Variants in TCF7L2 observed in about 807,000 individuals in gnomAD.
TCF7L2 encodes the protein transcription factor 7-like 2.
TCF7L2 carries 23 observed loss-of-function variants against 77.9 expected under a neutral mutation model. That is an observed-to-expected ratio of 0.30 (90% confidence interval 0.21 to 0.42). TCF7L2 has a LOEUF of 0.42. TCF7L2 is among the 10% of genes least tolerant of loss of function. TCF7L2 has a pLI of 1.00. For missense variants in TCF7L2, 654 were observed against 793.1 expected, an observed-to-expected ratio of 0.82 and a Z score of 2.11; for synonymous variants, 413 against 340.2, an observed-to-expected ratio of 1.21 and a Z score of -2.36.
Position 113,096,578 on chromosome 10 carries a change from CT to C in TCF7L2, c.553-44596del, listed in dbSNP as rs201680388. ...TTGCATTAAGAAAAATCAGTAGTTT[CT>C]TTTTTTTTTAGTTTGGTGGAAGCGC... On this transcript the variant is annotated intron_variant, in intron 5 of 13. Coordinates refer to ENST00000627217, the MANE Select transcript of TCF7L2 (RefSeq NM_001146274.2). 1.7e-3 allele frequency among the ~76,000 whole-genome samples: 260 copies of C among 148,754 alleles called. 1 individual carries two copies. Among genetic ancestry groups the C allele is most frequent in the African/African-American group, 5.7e-3 (231 of 40,666 alleles).
rs140658764 is a variant in TCF7L2 at position 113,034,148 on chromosome 10, T to C, written c.451-5877T>C. On this transcript the variant is annotated intron_variant, in intron 4 of 13. Transcript: ENST00000627217. ...CAGGCCTCTTCTTTAACAGAAATGTTTGTGTCTACTAGGTGTGTGTCACAA... is the reference window on the plus strand; with the variant it reads ...CAGGCCTCTTCTTTAACAGAAATGTCTGTGTCTACTAGGTGTGTGTCACAA... Among the ~76,000 whole-genome samples, 922 of 152,340 alleles carry C rather than the reference T, an allele frequency of 6.1e-3. 4 individuals carry two copies. Among genetic ancestry groups the C allele is most frequent in the Non-Finnish European group, 9.9e-3 (673 of 68,028 alleles).
At chr10:113,105,133 C>T (rs1027146870) in intron 5 of TCF7L2, among the ~76,000 whole-genome samples, 2 of 152,184 alleles carry the variant, frequency 1.3e-5, no homozygotes, top group African/African-American at 2.4e-5. Flanking sequence ...AGTGACATGA[C>T]AGGGACTCCA....
At chr10:113,036,316 G>C (rs2051242377) in intron 4 of TCF7L2, among the ~76,000 whole-genome samples, 1 of 152,102 alleles carries the variant, frequency 6.6e-6, no homozygotes, top group South Asian at 2.1e-4. Context: ...TATGGGAGCA[G>C]GATCAGTCTG....
chr10:113,025,821 C>T (rs1338347856), intron 4 of TCF7L2, among the ~76,000 whole-genome samples: 2 of 152,000 alleles, frequency 1.3e-5, no homozygotes, highest in South Asian at 2.1e-4. Flanking sequence ...AGTACTAAGC[C>T]GCAGATTCTG....
intron 5 of TCF7L2, among the ~76,000 whole-genome samples, chr10:113,102,338 T>C (rs936691311): frequency 6.6e-6 from 1 of 151,998 alleles, no homozygotes; most frequent in African/African-American, 2.4e-5. Flanking sequence ...TCTTTACTTA[T>C]TAGTAGATTT....
intron 4 of TCF7L2, among the ~76,000 whole-genome samples, chr10:113,022,100 G>A (rs2048347922): frequency 6.6e-6 from 1 of 152,144 alleles, no homozygotes; most frequent in Admixed American, 6.5e-5. Context: ...GGTTTTCTTT[G>A]AGATTTTGTT....
intron 5 of TCF7L2, among the ~76,000 whole-genome samples, chr10:113,069,936 T>C (rs12255179): frequency 0.84 from 127,918 of 151,972 alleles, 55,160 homozygotes; most frequent in Middle Eastern, 0.95. Context: ...GGGAGATCAC[T>C]GTGGGAGGTA....
At chr10:112,996,247 A>G (rs1270302230) in intron 4 of TCF7L2, among the ~76,000 whole-genome samples, 5 of 152,172 alleles carry the variant, frequency 3.3e-5, no homozygotes, top group African/African-American at 1.2e-4. Context: ...CTCTCGGAGG[A>G]GGATGAGCCT....
intron 2 of TCF7L2, 31 bp downstream of exon 2, chr10:112,951,304 C>A (rs1236205959): frequency 9.0e-7 from 1 of 1,115,046 alleles, no homozygotes; most frequent in African/African-American, 1.7e-5. Flanking sequence ...CCGCAGCCGC[C>A]CGGAGCCGCC....
At chr10:113,103,344 T>G (rs1193619241) in intron 5 of TCF7L2, among the ~76,000 whole-genome samples, 1 of 152,230 alleles carries the variant, frequency 6.6e-6, no homozygotes, top group African/African-American at 2.4e-5. Flanking sequence ...TGAGCCTCTC[T>G]GCAATTGGCA....
chr10:113,019,530 A>G (rs2047937489), intron 4 of TCF7L2, among the ~76,000 whole-genome samples: 1 of 152,176 alleles, frequency 6.6e-6, no homozygotes, highest in Non-Finnish European at 1.5e-5. Context: ...AATGTCACCA[A>G]TCTTGGTCAC....
chr10:113,167,070 G>A lies in TCF7L2; in HGVS notation c.*1098G>A, dbSNP rs1305132471. On this transcript the variant is annotated 3_prime_UTR_variant, in exon 14 of 14. Coordinates refer to ENST00000627217, the MANE Select transcript of TCF7L2 (RefSeq NM_001146274.2). Reference sequence around the variant, plus strand: ...GGACTGACCGTGTACAAAACTTTACGTGCCAAAATTCTCAGTGAATTTAGC... The same window carrying A: ...GGACTGACCGTGTACAAAACTTTACATGCCAAAATTCTCAGTGAATTTAGC... 14 of 230,678 alleles carry A rather than the reference G, an allele frequency of 6.1e-5. No homozygotes were observed. Among genetic ancestry groups the A allele is most frequent in the Admixed American group, 2.3e-4 (4 of 17,700 alleles). 14.3% of individuals were successfully genotyped at this position (230,678 alleles called of 1,614,324 possible).
At chr10:113,088,563 G>T (rs1006911487) in intron 5 of TCF7L2, among the ~76,000 whole-genome samples, 1 of 152,204 alleles carries the variant, frequency 6.6e-6, no homozygotes, top group Admixed American at 6.5e-5. Flanking sequence ...AGCACCCAAG[G>T]TGTGTGCTGC....
chr10:112,950,972 G>A (rs2030782835), intron 1 of TCF7L2, 27 bp downstream of exon 1: 1 of 1,594,292 alleles, frequency 6.3e-7, no homozygotes, highest in East Asian at 2.2e-5. Context: ...GGGCTGGTGG[G>A]GTTTTTTATC....
intron 5 of TCF7L2, among the ~76,000 whole-genome samples, chr10:113,127,701 T>G (rs1290205346): frequency 6.6e-6 from 1 of 151,918 alleles, no homozygotes; most frequent in African/African-American, 2.4e-5. Context: ...TCTGACAAAC[T>G]GGGGGCACCC....
At chr10:113,091,799 T>C (rs1054576794) in intron 5 of TCF7L2, among the ~76,000 whole-genome samples, 2 of 152,208 alleles carry the variant, frequency 1.3e-5, no homozygotes, top group African/African-American at 4.8e-5. Context: ...GGGCCACGCC[T>C]ATGTCTTGAT....
chr10:113,010,551 G>C (rs778011019), intron 4 of TCF7L2, among the ~76,000 whole-genome samples: 8 of 152,206 alleles, frequency 5.3e-5, no homozygotes, highest in South Asian at 2.1e-4. Context: ...TAAGGAGATA[G>C]ACAGTATCAT....
intron 5 of TCF7L2, among the ~76,000 whole-genome samples, chr10:113,107,906 G>C (rs977954889): frequency 1.3e-5 from 2 of 152,004 alleles, no homozygotes; most frequent in Non-Finnish European, 2.9e-5. Context: ...AGTAATTAAA[G>C]CAATTACACA....
chr10:113,066,872 A>G (rs1421915786), intron 5 of TCF7L2, among the ~76,000 whole-genome samples: 3 of 152,258 alleles, frequency 2.0e-5, no homozygotes, highest in Non-Finnish European at 2.9e-5. Flanking sequence ...TAAGCACACC[A>G]TCAAAAACAT....
Sources: gnomAD v4.1 joint callset for allele counts (sites outside exome capture counted in the v4.1 genomes callset) on GRCh38, gnomAD v4.1.1 for gene constraint, MANE v1.5 for transcripts, NCBI Gene and HGNC (gene_info 2026-07-23, HGNC 2026-07-21) for gene names.